Variants in GNG4 observed in about 807,000 individuals in gnomAD.
GNG4 encodes the protein G protein subunit gamma 4.
A neutral mutation model predicts 5.8 loss-of-function variants in GNG4; 4 were observed. The observed-to-expected ratio is 0.69, with a 90% CI of 0.34 to 1.57. GNG4 has a LOEUF of 1.57. Among genes scored for constraint, GNG4 ranks in the 40% most tolerant of loss-of-function variants. The pLI is 0.06. For synonymous variants in GNG4, 29 were observed against 32.9 expected, an observed-to-expected ratio of 0.88 and a Z score of 0.41; for missense variants, 96 against 95.1, an observed-to-expected ratio of 1.01 and a Z score of -0.04.
In GNG4 at chr1:235,597,198, G is replaced by A. The variant is rs148443502; in HGVS notation, c.-122-1687C>T. ...GGGTTTTCCGAATGCTCTGCCCTAC[G>A]GCATCCATCTCCGAGGCATCCTAAT... On this transcript the variant is annotated intron_variant, in intron 1 of 3. Coordinates refer to ENST00000391854, the MANE Select transcript of GNG4 (RefSeq NM_001098722.2). Among the ~76,000 whole-genome samples, 890 of 152,328 alleles carry A rather than the reference G, an allele frequency of 5.8e-3. 4 individuals are homozygous for A. The highest frequency in any genetic ancestry group is 0.01 in the Middle Eastern group (3 of 294).
intron 2 of GNG4, among the ~76,000 whole-genome samples, chr1:235,591,540 CCTTT>C (rs1295438014): frequency 6.6e-6 from 1 of 152,186 alleles, no homozygotes; most frequent in East Asian, 1.9e-4. Flanking sequence ...AACGCCCCTG[CCTTT>C]CTGAGACTGT....
At chr1:235,589,316 C>G (rs904463705) in intron 2 of GNG4, among the ~76,000 whole-genome samples, 7 of 152,060 alleles carry the variant, frequency 4.6e-5, no homozygotes, top group Admixed American at 3.3e-4. Flanking sequence ...AGCTCGTGCC[C>G]AGAGAGAGAA....
chr1:235,589,605 T>A (rs963543814), intron 2 of GNG4, among the ~76,000 whole-genome samples: 2 of 152,094 alleles, frequency 1.3e-5, no homozygotes, highest in African/African-American at 4.8e-5. Flanking sequence ...GGGCATTTGG[T>A]ATAGTTGTGA....
chr1:235,555,809 A>G (rs1446506202), intron 3 of GNG4, among the ~76,000 whole-genome samples: 4 of 152,158 alleles, frequency 2.6e-5, no homozygotes, highest in Admixed American at 6.5e-5. Flanking sequence ...GCTAACTGAC[A>G]TATCTATTAC....
intron 3 of GNG4, among the ~76,000 whole-genome samples, chr1:235,572,704 T>G (rs975104334): frequency 6.6e-6 from 1 of 151,574 alleles, no homozygotes; most frequent in Non-Finnish European, 1.5e-5. Context: ...TTCGCCATGT[T>G]TCCCAGGCTG....
chr1:235,556,844 T>A (rs1317810990), intron 3 of GNG4, among the ~76,000 whole-genome samples: 10 of 151,430 alleles, frequency 6.6e-5, no homozygotes, highest in Non-Finnish European at 2.9e-5. Context: ...AACTAGATGG[T>A]CCCATTTGGA....
chr1:235,621,448 T>G (rs1361456618), intron 1 of GNG4, among the ~76,000 whole-genome samples: 2 of 150,860 alleles, frequency 1.3e-5, no homozygotes, highest in East Asian at 3.9e-4. Flanking sequence ...TGCGCCACCA[T>G]GCCTGGCTAA....
At chr1:235,571,948 T>C (rs757832807) in intron 3 of GNG4, among the ~76,000 whole-genome samples, 1 of 152,168 alleles carries the variant, frequency 6.6e-6, no homozygotes, top group South Asian at 2.1e-4. Flanking sequence ...GCAATCCTCC[T>C]GCCTCAGCCT....
At chr1:235,602,902 C>T (rs1451371940) in intron 1 of GNG4, among the ~76,000 whole-genome samples, 1 of 152,126 alleles carries the variant, frequency 6.6e-6, no homozygotes, top group Non-Finnish European at 1.5e-5. Context: ...GAGTTGACAT[C>T]TTGGCATTCC....
intron 1 of GNG4, among the ~76,000 whole-genome samples, chr1:235,635,066 TAATGAA>T (rs1169995385): frequency 6.6e-6 from 1 of 152,224 alleles, no homozygotes; most frequent in Non-Finnish European, 1.5e-5. Flanking sequence ...ATGGCATTGT[TAATGAA>T]CCATGGAGCA....
intron 2 of GNG4, among the ~76,000 whole-genome samples, chr1:235,592,834 C>G (rs1288639611): frequency 6.6e-6 from 1 of 152,194 alleles, no homozygotes; most frequent in African/African-American, 2.4e-5. Context: ...CCGCCGGGTC[C>G]TCCTTGCTTG....
At chr1:235,643,698 C>T (rs1029654822) in intron 1 of GNG4, among the ~76,000 whole-genome samples, 3 of 152,256 alleles carry the variant, frequency 2.0e-5, no homozygotes, top group Admixed American at 6.5e-5. Flanking sequence ...AGGAATGTGG[C>T]GGGGAGCAGT....
intron 2 of GNG4, among the ~76,000 whole-genome samples, chr1:235,586,459 A>G (rs1260447433): frequency 1.3e-5 from 2 of 152,190 alleles, no homozygotes; most frequent in Non-Finnish European, 2.9e-5. Context: ...TCTAGTTCCC[A>G]ACCCTTCCCA....
At chr1:235,596,453 T>C (rs1211187210) in intron 1 of GNG4, among the ~76,000 whole-genome samples, 1 of 152,064 alleles carries the variant, frequency 6.6e-6, no homozygotes, top group African/African-American at 2.4e-5. Context: ...GGGAGAATCA[T>C]TTGAACCCGA....
chr1:235,640,204 A>G (rs533826348), intron 1 of GNG4, among the ~76,000 whole-genome samples: 6 of 152,158 alleles, frequency 3.9e-5, no homozygotes, highest in Non-Finnish European at 7.4e-5. Context: ...AAACCCTCAC[A>G]GCCCCACGAG....
chr1:235,600,721 C>T (rs148077454), intron 1 of GNG4, among the ~76,000 whole-genome samples: 1 of 152,366 alleles, frequency 6.6e-6, no homozygotes, highest in East Asian at 1.9e-4. Flanking sequence ...CCACTCCTGG[C>T]TGAAAGCTGC....
At chr1:235,575,248 G>A (rs544307740) in intron 3 of GNG4, among the ~76,000 whole-genome samples, 16 of 152,290 alleles carry the variant, frequency 1.1e-4, no homozygotes, top group South Asian at 4.1e-4. Context: ...AAAGCAATAC[G>A]CATTCAGTAT....
chr1:235,623,701 C>T (rs180775560), intron 1 of GNG4, among the ~76,000 whole-genome samples: 201 of 152,272 alleles, frequency 1.3e-3, no homozygotes, highest in Non-Finnish European at 2.3e-3. Context: ...TTCCTGACCT[C>T]CAGAGGATCT....
intron 3 of GNG4, among the ~76,000 whole-genome samples, chr1:235,575,769 T>C (rs10926090): frequency 7.7e-4 from 117 of 152,322 alleles, no homozygotes; most frequent in African/African-American, 2.6e-3. Flanking sequence ...ATTGACCCAA[T>C]GTCAGCAATT....
Sources: gnomAD v4.1 joint callset for allele counts (sites outside exome capture counted in the v4.1 genomes callset) on GRCh38, gnomAD v4.1.1 for gene constraint, MANE v1.5 for transcripts, NCBI Gene and HGNC (gene_info 2026-07-23, HGNC 2026-07-21) for gene names.